DNAJC7: variants seen among roughly 807,000 people sequenced by gnomAD.
The protein encoded by DNAJC7 is DnaJ heat shock protein family (Hsp40) member C7.
Under a neutral mutation model 67.4 loss-of-function variants are expected in DNAJC7, and 18 were observed. That is an observed-to-expected ratio of 0.27 (90% CI 0.18 to 0.40). The LOEUF (loss-of-function observed/expected upper bound fraction) is 0.40. Among genes scored for constraint, DNAJC7 ranks in the 10% least tolerant of loss-of-function variants. The pLI is 1.00. For synonymous variants in DNAJC7, 220 were observed against 207.8 expected, an observed-to-expected ratio of 1.06 and a Z score of -0.50; for missense variants, 419 against 613.8, an observed-to-expected ratio of 0.68 and a Z score of 3.35.
At chr17:41,985,681 G>C (rs1212330638) in intron 9 of DNAJC7, 1 of 152,250 alleles carries the variant, frequency 6.6e-6, no homozygotes, top group Non-Finnish European at 1.5e-5. Flanking sequence ...GTGTAGCAAA[G>C]ATGTGGGTGG....
At chr17:42,015,344 C>T (rs936541507) in intron 1 of DNAJC7, 2 of 152,060 alleles carry the variant, frequency 1.3e-5, no homozygotes, top group African/African-American at 4.8e-5. Flanking sequence ...CTATCAAATA[C>T]CATGTTTTGT....
intron 1 of DNAJC7, among the ~76,000 whole-genome samples, chr17:42,002,487 T>C (rs2143284287): frequency 6.6e-6 from 1 of 152,300 alleles, no homozygotes; most frequent in Middle Eastern, 3.4e-3. Context: ...GACTGGCTTC[T>C]AGAAAAAATG....
rs1025539823 is a variant in DNAJC7 at position 41,989,675 on chromosome 17, T to C, written c.600-118A>G. The C allele has an allele frequency of 4.5e-6, 6 of 1,331,238 alleles. No individual in the cohort carries two copies. The Admixed American group carries it at 6.6e-5, about 15-fold the overall frequency. The allele number at this position is 1,331,238 out of a possible 1,614,324, so 82.5% of individuals were successfully genotyped here. Reference sequence around the variant, plus strand: ...GTCTAGCATTCAAAATATCCAAAGGTAGACAGATTCCCAAGAACTGTTCCC... The same window carrying C: ...GTCTAGCATTCAAAATATCCAAAGGCAGACAGATTCCCAAGAACTGTTCCC... On this transcript the variant is annotated intron_variant, in intron 6 of 13. Coordinates refer to ENST00000457167, the MANE Select transcript of DNAJC7 (RefSeq NM_003315.4).
intron 1 of DNAJC7, chr17:42,013,015 C>G (rs1424562326): frequency 2.6e-5 from 4 of 152,186 alleles, no homozygotes; most frequent in Admixed American, 2.0e-4. Context: ...CCACGTTGCC[C>G]AGGTTGGTCT....
chr17:41,991,312 T>C (rs1409273081), intron 5 of DNAJC7, among the ~76,000 whole-genome samples: 1 of 152,110 alleles, frequency 6.6e-6, no homozygotes, highest in Non-Finnish European at 1.5e-5. Context: ...CTCTGAAAAC[T>C]TACAAGCAGA....
chr17:42,009,928 G>A (rs1555650851), intron 1 of DNAJC7, among the ~76,000 whole-genome samples: 1 of 152,028 alleles, frequency 6.6e-6, no homozygotes, highest in African/African-American at 2.4e-5. Flanking sequence ...CAGATCCTGA[G>A]GTGATGAGAT....
intron 1 of DNAJC7, among the ~76,000 whole-genome samples, chr17:42,002,995 G>A (rs565058345): frequency 7.2e-5 from 11 of 152,298 alleles, no homozygotes; most frequent in Non-Finnish European, 1.2e-4. Flanking sequence ...CCAAAGAAAT[G>A]CATTTCATTT....
At chr17:41,999,578 C>G (rs985038350) in intron 2 of DNAJC7, among the ~76,000 whole-genome samples, 2 of 151,924 alleles carry the variant, frequency 1.3e-5, no homozygotes, top group Non-Finnish European at 2.9e-5. Context: ...TGGAGTGCAA[C>G]GGCAGGATCT....
At chr17:42,003,090 T>G (rs1555649673) in intron 1 of DNAJC7, among the ~76,000 whole-genome samples, 1 of 152,126 alleles carries the variant, frequency 6.6e-6, no homozygotes, top group African/African-American at 2.4e-5. Context: ...CAAGAAGAAT[T>G]GTGTTGTGAC....
chr17:42,014,625 CTT>C (rs1490630806), intron 1 of DNAJC7: 1 of 144,532 alleles, frequency 6.9e-6, no homozygotes, highest in Non-Finnish European at 1.5e-5. Context: ...GAGTTTTGCT[CTT>C]GTTGCCCAGG....
intron 9 of DNAJC7, among the ~76,000 whole-genome samples, chr17:41,986,464 G>T (rs2143154656): frequency 6.7e-6 from 1 of 149,414 alleles, no homozygotes; most frequent in East Asian, 2.0e-4. Flanking sequence ...ATTCCATTAA[G>T]TTCATACAGT....
At chr17:42,010,320 CA>C (rs11424783) in intron 1 of DNAJC7, among the ~76,000 whole-genome samples, 35 of 133,586 alleles carry the variant, frequency 2.6e-4, no homozygotes, top group African/African-American at 3.1e-4. Flanking sequence ...CCTGTCTCTA[CA>C]AAAAAAAAAA....
intron 7 of DNAJC7, 114 bp from the exon 8 acceptor site, chr17:41,989,010 G>T (rs1342612134): frequency 7.7e-7 from 1 of 1,297,174 alleles, no homozygotes; most frequent in Non-Finnish European, 1.1e-6. Flanking sequence ...CAGCATCACA[G>T]AGCCCCGCCA....
chr17:42,009,968 C>A (rs1029814869), intron 1 of DNAJC7, among the ~76,000 whole-genome samples: 2 of 151,274 alleles, frequency 1.3e-5, no homozygotes, highest in Non-Finnish European at 1.5e-5. Context: ...ATGGTGAAAC[C>A]CGTCTCTACT....
intron 12 of DNAJC7, 58 bp from the exon 13 acceptor site, chr17:41,977,381 C>A: frequency 6.9e-7 from 1 of 1,446,012 alleles, no homozygotes; most frequent in South Asian, 1.2e-5. Flanking sequence ...TAGAAATGTT[C>A]GAAGAGAACT....
Position 41,996,367 on chromosome 17 carries a change from G to T in DNAJC7, c.349C>A (p.Arg117Ser). The T allele has an allele frequency of 6.2e-7, 1 of 1,613,964 alleles. No individual in the cohort carries two copies. Among genetic ancestry groups the T allele is most frequent in the Non-Finnish European group, 8.5e-7 (1 of 1,179,894 alleles). ...LSLGNAMAAC[R>S]SFQRALELDH... ...AGTTCTAGGGCTCTCTGGAAGCTGCGACATGCTGCCATGGCATTCCCCAGA... is the reference window on the plus strand; with the variant it reads ...AGTTCTAGGGCTCTCTGGAAGCTGCTACATGCTGCCATGGCATTCCCCAGA... Residue 117 changes from arginine (R) to serine (S), a missense_variant, in exon 4 of 14, where the codon CGC (arginine) becomes AGC (serine). Transcript: ENST00000457167.
At chr17:42,016,573 C>G (rs1288789410) in intron 1 of DNAJC7, 1 of 152,512 alleles carries the variant, frequency 6.6e-6, no homozygotes, top group Non-Finnish European at 1.5e-5. Context: ...AGAGCGTTCT[C>G]GAAAACCACT....
At chr17:41,995,898 G>A (rs2051643754) in intron 4 of DNAJC7, among the ~76,000 whole-genome samples, 2 of 152,188 alleles carry the variant, frequency 1.3e-5, no homozygotes, top group African/African-American at 4.8e-5. Context: ...AACCTCCTGA[G>A]CACAAGCAAT....
intron 1 of DNAJC7, chr17:42,011,809 G>A (rs2052124979): frequency 6.6e-6 from 1 of 152,164 alleles, no homozygotes; most frequent in African/African-American, 2.4e-5. Context: ...AGAAAGCTGG[G>A]GAGGCATGCC....
Sources: allele counts gnomAD v4.1 joint callset (sites outside exome capture counted in the v4.1 genomes callset), GRCh38; gene constraint gnomAD v4.1.1; transcripts MANE v1.5; gene names NCBI Gene and HGNC (gene_info 2026-07-23, HGNC 2026-07-21).